CFAP70: variants seen among roughly 807,000 people sequenced by gnomAD.
The protein encoded by CFAP70 is cilia and flagella associated protein 70, also known as cilia- and flagella-associated protein 70.
CFAP70 carries 81 observed loss-of-function variants against 137.6 expected under a neutral mutation model. That is an observed-to-expected ratio of 0.59 (90% CI 0.49 to 0.71). The LOEUF (loss-of-function observed/expected upper bound fraction) is 0.71. Among genes scored for constraint, CFAP70 ranks in the 30% least tolerant of loss-of-function variants. The pLI is 0.00. For missense variants in CFAP70, 976 were observed against 1,226.7 expected (o/e 0.80, Z 3.05); for synonymous variants, 382 against 423.6 (o/e 0.90, Z 1.20).
chr10:73,314,889 G>A (rs2050208285), intron 9 of CFAP70, among the ~76,000 whole-genome samples: 1 of 150,796 alleles, frequency 6.6e-6, no homozygotes, highest in Non-Finnish European at 1.5e-5. Flanking sequence ...ACAGGTGTGA[G>A]CCACCACACC....
At chr10:73,307,768 A>G (rs1285255761) in intron 12 of CFAP70, among the ~76,000 whole-genome samples, 2 of 152,158 alleles carry the variant, frequency 1.3e-5, no homozygotes, top group Non-Finnish European at 2.9e-5. Flanking sequence ...GAAGGGAGAA[A>G]CTGATAGTCC....
chr10:73,270,437 TCTCCC>T (rs151203110), intron 24 of CFAP70, among the ~76,000 whole-genome samples: 11,006 of 128,192 alleles, frequency 0.086, 783 homozygotes, highest in East Asian at 0.28. Context: ...TCCTCTCTCC[TCTCCC>T]CTCCCCTCCC....
chr10:73,338,130 T>C (rs2052868409), intron 6 of CFAP70, among the ~76,000 whole-genome samples: 1 of 151,498 alleles, frequency 6.6e-6, no homozygotes, highest in Non-Finnish European at 1.5e-5. Context: ...TGGGTCCACT[T>C]ATATATATGC....
chr10:73,328,307 T>A (rs1452340406), intron 8 of CFAP70, among the ~76,000 whole-genome samples: 8 of 151,926 alleles, frequency 5.3e-5, no homozygotes, highest in Non-Finnish European at 1.2e-4. Flanking sequence ...TGAAACTGGA[T>A]CCCTTCCTTA....
upstream of CFAP70, among the ~76,000 whole-genome samples, chr10:73,360,092 G>T (rs2054948319): frequency 2.0e-5 from 3 of 152,104 alleles, no homozygotes; most frequent in Admixed American, 6.5e-5. Flanking sequence ...AGGACGGTGG[G>T]AAAAATGTGA....
chr10:73,274,989 A>C (rs2046595578), intron 22 of CFAP70: 1 of 167,148 alleles, frequency 6.0e-6, no homozygotes, highest in African/African-American at 2.4e-5. Flanking sequence ...TATTATTATT[A>C]TTTTTTGAGA....
At chr10:73,322,004 C>T (rs1488332273) in intron 9 of CFAP70, among the ~76,000 whole-genome samples, 2 of 152,052 alleles carry the variant, frequency 1.3e-5, no homozygotes, top group African/African-American at 4.8e-5. Flanking sequence ...GGCTGGTTTC[C>T]AACTCTTGGC....
Position 73,265,292 on chromosome 10 carries a change from C to T in CFAP70, c.3027+4322G>A, listed in dbSNP as rs1257679057. ...GAGCCCAGATCGCGCCACTGCACTCCAGTCTGGGCAACAGAGAGACTCCAT... is the reference window on the plus strand; with the variant it reads ...GAGCCCAGATCGCGCCACTGCACTCTAGTCTGGGCAACAGAGAGACTCCAT... On this transcript the variant is annotated intron_variant, in intron 25 of 26. Transcript: ENST00000310715. 2.1e-5 allele frequency among the ~76,000 whole-genome samples: 3 copies of T among 145,912 alleles called. No homozygotes were observed. In the East Asian group the frequency reaches 6.0e-4, roughly 29 times the overall value.
chr10:73,271,188 C>T (rs2046285299), intron 24 of CFAP70, among the ~76,000 whole-genome samples: 1 of 152,014 alleles, frequency 6.6e-6, no homozygotes, highest in Admixed American at 6.6e-5. Context: ...CAATATCTGC[C>T]CTCAAAGGGC....
chr10:73,339,714 G>C (rs2053071997), intron 6 of CFAP70, among the ~76,000 whole-genome samples: 1 of 152,232 alleles, frequency 6.6e-6, no homozygotes, highest in African/African-American at 2.4e-5. Flanking sequence ...CTCCCTGCGA[G>C]GCTGTGGCTG....
chr10:73,338,773 TTG>T (rs562651516), intron 6 of CFAP70, among the ~76,000 whole-genome samples: 4 of 152,084 alleles, frequency 2.6e-5, no homozygotes, highest in Admixed American at 2.6e-4. Context: ...AATACAGTAT[TTG>T]TGGGATGTAA....
At chr10:73,320,317 CA>C (rs756272982) in intron 9 of CFAP70, among the ~76,000 whole-genome samples, 24 of 151,924 alleles carry the variant, frequency 1.6e-4, no homozygotes, top group African/African-American at 3.4e-4. Flanking sequence ...TCTTTTCTCT[CA>C]TTTTTTTTAT....
At chr10:73,302,360 T>C (rs2049011795) in intron 12 of CFAP70, among the ~76,000 whole-genome samples, 1 of 151,766 alleles carries the variant, frequency 6.6e-6, no homozygotes, top group African/African-American at 2.4e-5. Context: ...TCAAGGAGGG[T>C]TGAGTAGTTA....
intron 9 of CFAP70, among the ~76,000 whole-genome samples, chr10:73,322,573 A>G (rs2050967368): frequency 6.7e-6 from 1 of 150,302 alleles, no homozygotes; most frequent in East Asian, 2.2e-4. Flanking sequence ...CTCTAAAAAA[A>G]AAAAAAAAAA....
upstream of CFAP70, among the ~76,000 whole-genome samples, chr10:73,361,396 G>C (rs1815433608): frequency 6.7e-6 from 1 of 149,506 alleles, no homozygotes; most frequent in African/African-American, 2.5e-5. Flanking sequence ...GGGTTCAAGT[G>C]ACCCTCCCAC....
At chr10:73,300,496 A>G (rs1229347551) in intron 12 of CFAP70, among the ~76,000 whole-genome samples, 1 of 152,110 alleles carries the variant, frequency 6.6e-6, no homozygotes, top group Non-Finnish European at 1.5e-5. Flanking sequence ...GTATAGCAAA[A>G]TATCTCCTTC....
chr10:73,289,532 C>T (rs1255585159), intron 19 of CFAP70, among the ~76,000 whole-genome samples: 1 of 151,940 alleles, frequency 6.6e-6, no homozygotes, highest in Non-Finnish European at 1.5e-5. Flanking sequence ...GATCCGCCTG[C>T]CTCGGCCTCC....
chr10:73,348,148 C>A lies in CFAP70; in HGVS notation c.349+275G>T, dbSNP rs1564884128. 1.2e-6 allele frequency: 2 copies of A among 1,612,856 alleles called. No individual in the cohort carries two copies. Among genetic ancestry groups the A allele is most frequent in the Non-Finnish European group, 1.7e-6 (2 of 1,178,844 alleles). On this transcript the variant is annotated intron_variant, in intron 4 of 26. Coordinates refer to ENST00000310715, the Ensembl canonical transcript of CFAP70. ...GGCTGAAATGTTGAGAGCTAAAACT[C>A]TGATTACCTTAGCACTTGATCTAGG...
At chr10:73,274,729 T>C in intron 22 of CFAP70, 135 bp from the exon 24 acceptor site, 1 of 862,032 alleles carries the variant, frequency 1.2e-6, no homozygotes, top group Non-Finnish European at 1.7e-6. Context: ...AACCGTTTTC[T>C]TTTTCTAAGA....
Sources: gnomAD v4.1 joint callset for allele counts (sites outside exome capture counted in the v4.1 genomes callset) on GRCh38, gnomAD v4.1.1 for gene constraint, MANE v1.5 for transcripts, NCBI Gene and HGNC (gene_info 2026-07-23, HGNC 2026-07-21) for gene names.